LAPTM4B: variants seen among roughly 807,000 people sequenced by gnomAD.
LAPTM4B encodes lysosomal-associated transmembrane protein 4B.
LAPTM4B carries 26 observed loss-of-function variants against 28.5 expected under a neutral mutation model. The ratio of observed to expected loss-of-function variants is 0.91; its 90% CI spans 0.67 to 1.27. LAPTM4B has a LOEUF of 1.27. Among genes scored for constraint, LAPTM4B ranks in the 50% most tolerant of loss-of-function variants. LAPTM4B has a pLI of 0.00. For missense variants in LAPTM4B, 288 were observed against 285.8 expected (o/e 1.01, Z -0.06); for synonymous variants, 109 against 106.4 (o/e 1.02, Z -0.15).
At chr8:97,791,597 A>C (rs1816500326) in intron 1 of LAPTM4B, among the ~76,000 whole-genome samples, 1 of 152,076 alleles carries the variant, frequency 6.6e-6, no homozygotes, top group Non-Finnish European at 1.5e-5. Flanking sequence ...TGCTGTCTGG[A>C]GCACTCCCTT....
chr8:97,847,353 C>A (rs1817449763), intron 6 of LAPTM4B, among the ~76,000 whole-genome samples: 1 of 152,254 alleles, frequency 6.6e-6, no homozygotes, highest in Non-Finnish European at 1.5e-5. Flanking sequence ...TCTAGGTGCT[C>A]CTTGAGTAGC....
intron 1 of LAPTM4B, among the ~76,000 whole-genome samples, chr8:97,780,064 A>G (rs1191748626): frequency 2.0e-5 from 3 of 150,086 alleles, no homozygotes; most frequent in Non-Finnish European, 3.0e-5. Context: ...AAAAAAAAAA[A>G]AAAAGAAAAG....
At chr8:97,794,429 C>G (rs982948180) in intron 1 of LAPTM4B, among the ~76,000 whole-genome samples, 5 of 152,078 alleles carry the variant, frequency 3.3e-5, no homozygotes, top group African/African-American at 7.2e-5. Flanking sequence ...ATGTCTTAAT[C>G]ATTTTTGTAC....
chr8:97,839,897 G>T (rs1817318549), intron 6 of LAPTM4B, among the ~76,000 whole-genome samples: 1 of 152,206 alleles, frequency 6.6e-6, no homozygotes, highest in South Asian at 2.1e-4. Flanking sequence ...TTGCAAGGGA[G>T]GTGGCAGGGA....
intron 1 of LAPTM4B, among the ~76,000 whole-genome samples, chr8:97,779,481 T>G (rs554462906): frequency 3.7e-4 from 55 of 149,766 alleles, no homozygotes; most frequent in Non-Finnish European, 5.9e-5. Flanking sequence ...AGACTCTGTC[T>G]CAAAAAAAGA....
intron 5 of LAPTM4B, among the ~76,000 whole-genome samples, chr8:97,820,304 C>CTTTTTTTTTTT (rs71570268): frequency 7.0e-5 from 9 of 128,348 alleles, no homozygotes; most frequent in East Asian, 2.2e-4. Flanking sequence ...TTCTTTCTTT[C>CTTTTTTTTTTT]TTTTTTTTTT....
intron 1 of LAPTM4B, among the ~76,000 whole-genome samples, chr8:97,801,831 G>A (rs960244263): frequency 9.5e-5 from 10 of 104,930 alleles, no homozygotes; most frequent in Admixed American, 5.0e-4. Context: ...GCGACAGTGC[G>A]AAACTCCATC....
chr8:97,782,306 T>TTG (rs1816334066), intron 1 of LAPTM4B, among the ~76,000 whole-genome samples: 1 of 116,660 alleles, frequency 8.6e-6, no homozygotes, highest in Non-Finnish European at 1.9e-5. Context: ...TTTTTTTTTT[T>TTG]GTGACAAGAT....
chr8:97,849,982 A>T (rs1817498542), intron 6 of LAPTM4B, among the ~76,000 whole-genome samples: 1 of 151,872 alleles, frequency 6.6e-6, no homozygotes, highest in Admixed American at 6.5e-5. Context: ...GATTCTGTGC[A>T]CACTGGCCTC....
rs1384889858 is a variant in LAPTM4B, at chr8:97,816,441, G to A, written c.408+261G>A. 3.9e-5 allele frequency among the ~76,000 whole-genome samples: 6 copies of A among 152,120 alleles called. No individual in the cohort carries two copies. The East Asian group carries it at 1.2e-3, about 29-fold the overall frequency. ...GCCTCCCAGCTAGCTGGGATTATAG[G>A]CATGTACCAACATACCTGGCTAATT... On this transcript the variant is annotated intron_variant, in intron 4 of 6. Transcript: ENST00000521545.
chr8:97,831,837 A>G (rs1056419338), intron 6 of LAPTM4B, among the ~76,000 whole-genome samples: 1 of 152,104 alleles, frequency 6.6e-6, no homozygotes, highest in Non-Finnish European at 1.5e-5. Context: ...GTGGGGTCAG[A>G]TGTTTTTTGG....
At chr8:97,797,771 T>C (rs1816614239) in intron 1 of LAPTM4B, among the ~76,000 whole-genome samples, 1 of 152,194 alleles carries the variant, frequency 6.6e-6, no homozygotes, top group Admixed American at 6.5e-5. Flanking sequence ...AAGTCTCTTA[T>C]TTGGGATCTG....
intron 6 of LAPTM4B, among the ~76,000 whole-genome samples, chr8:97,825,544 T>C (rs567993095): frequency 6.6e-6 from 1 of 152,372 alleles, no homozygotes; most frequent in African/African-American, 2.4e-5. Context: ...CAAGATGCGA[T>C]GTTTACAGGT....
chr8:97,825,201 G>A (rs766913032), intron 6 of LAPTM4B, 48 bp downstream of exon 6: 13 of 984,620 alleles, frequency 1.3e-5, no homozygotes, highest in Admixed American at 3.6e-5. Flanking sequence ...CACCTTTACT[G>A]TATGCTGATC....
intron 4 of LAPTM4B, 72 bp downstream of exon 4, chr8:97,816,252 TAGAG>T: frequency 7.8e-6 from 11 of 1,402,166 alleles, no homozygotes; most frequent in Non-Finnish European, 1.1e-5. Flanking sequence ...AAGGGATGTG[TAGAG>T]ATACACAGAC....
At position 97,779,525 on chromosome 8, in the gene LAPTM4B, C is replaced by A. The variant is rs536999150; in HGVS notation, c.99+3417C>A. ...GAGAAAGAGGCCTGGTGCAGAGGCT[C>A]ACGCCTGTAAGCACTTTGGGCGGCC... is the stretch of plus-strand genomic sequence containing the variant. On this transcript the variant is annotated intron_variant, in intron 1 of 6. Transcript: ENST00000521545. 2.6e-5 allele frequency among the ~76,000 whole-genome samples: 4 copies of A among 151,776 alleles called. No individual in the cohort carries two copies. The East Asian group carries it at 7.8e-4, about 30-fold the overall frequency.
At chr8:97,776,383 T>C (rs1299954170) in intron 1 of LAPTM4B, among the ~76,000 whole-genome samples, 7 of 152,152 alleles carry the variant, frequency 4.6e-5, no homozygotes, top group Admixed American at 4.6e-4. Flanking sequence ...GTCGCCGATC[T>C]CCAGCCTCCG....
intron 1 of LAPTM4B, among the ~76,000 whole-genome samples, chr8:97,782,057 C>T (rs1041589912): frequency 7.3e-5 from 11 of 150,782 alleles, no homozygotes; most frequent in South Asian, 2.1e-4. Flanking sequence ...CTCGGCTCAC[C>T]GCAACCTCCG....
In LAPTM4B at chr8:97,776,119, C is replaced by A; in HGVS notation, c.99+11C>A. 1.3e-6 allele frequency: 2 copies of A among 1,563,116 alleles called. No homozygotes were observed. Among genetic ancestry groups the A allele is most frequent in the East Asian group, 2.5e-5 (1 of 39,498 alleles). ...GGCGTCTGGTATCTGGTGAGCGCGG[C>A]GCGCCCGGCCCGGGACCCTGCGTTG... On this transcript the variant is annotated intron_variant, in intron 1 of 6. Coordinates refer to ENST00000521545, the MANE Select transcript of LAPTM4B (RefSeq NM_018407.6).
Sources: gnomAD v4.1 joint callset for allele counts (sites outside exome capture counted in the v4.1 genomes callset) on GRCh38, gnomAD v4.1.1 for gene constraint, MANE v1.5 for transcripts, NCBI Gene and HGNC (gene_info 2026-07-23, HGNC 2026-07-21) for gene names.